PTGER4: variants seen among roughly 807,000 people sequenced by gnomAD.
The protein encoded by PTGER4 is prostaglandin E receptor 4.
PTGER4 carries 11 observed loss-of-function variants against 33.2 expected under a neutral mutation model. That is an observed-to-expected ratio of 0.33 (90% CI 0.21 to 0.55). PTGER4 has a LOEUF of 0.55. PTGER4 is among the 20% of genes least tolerant of loss of function. The pLI is 0.92. For synonymous variants in PTGER4, 275 were observed against 281.5 expected, an observed-to-expected ratio of 0.98 and a Z score of 0.23; for missense variants, 481 against 650.2, an observed-to-expected ratio of 0.74 and a Z score of 2.83.
At chr5:40,699,554 A>T in the PTGER4 span, among the ~76,000 whole-genome samples, 6 of 152,148 alleles carry the variant, frequency 3.9e-5, no homozygotes, top group African/African-American at 1.4e-4. Context: ...CAAGAAAAGG[A>T]AACTATAGGC....
At chr5:40,711,451 T>C in the PTGER4 span, among the ~76,000 whole-genome samples, 24 of 152,088 alleles carry the variant, frequency 1.6e-4, no homozygotes, top group Non-Finnish European at 2.9e-4. Context: ...TCCCAAATGG[T>C]ACAGATAATT....
the PTGER4 span, among the ~76,000 whole-genome samples, chr5:40,734,524 T>C: frequency 0.35 from 52,845 of 152,028 alleles, 10,174 homozygotes; most frequent in Admixed American, 0.46. Context: ...CAGGATGAGA[T>C]AATGCCCTAT....
At position 40,692,597 on chromosome 5, in the gene PTGER4, G is replaced by A. The variant is rs914792016; in HGVS notation, c.*219G>A. 6.9e-6 allele frequency: 9 copies of A among 1,308,084 alleles called. No homozygotes were observed. Among genetic ancestry groups the A allele is most frequent in the Non-Finnish European group, 8.8e-6 (9 of 1,028,456 alleles). 81.0% of individuals were successfully genotyped at this position (1,308,084 alleles called of 1,614,324 possible). ...TCGGATGCTACCCCACTATGACAGA[G>A]GATTGTGGTCACAACTTGATGGCTG... On this transcript the variant is annotated 3_prime_UTR_variant, in exon 3 of 3. Coordinates refer to ENST00000302472, the MANE Select transcript of PTGER4 (RefSeq NM_000958.3).
the PTGER4 span, among the ~76,000 whole-genome samples, chr5:40,717,990 AG>A: frequency 1.6e-4 from 25 of 152,084 alleles, no homozygotes; most frequent in African/African-American, 6.0e-4. Context: ...TGAACTCGGG[AG>A]GCGGAGGTTG....
the PTGER4 span, among the ~76,000 whole-genome samples, chr5:40,722,755 G>A: frequency 2.0e-5 from 3 of 150,918 alleles, no homozygotes; most frequent in Non-Finnish European, 4.4e-5. Context: ...TGCCCGGCCA[G>A]ACGCCCCGTC....
chr5:40,715,203 T>C, the PTGER4 span: 1 of 152,032 alleles, frequency 6.6e-6, no homozygotes, highest in African/African-American at 2.4e-5. Flanking sequence ...TTTCACTGAG[T>C]AGTTTCAAAA....
At chr5:40,726,456 A>G in the PTGER4 span, among the ~76,000 whole-genome samples, 2 of 151,556 alleles carry the variant, frequency 1.3e-5, no homozygotes, top group African/African-American at 2.4e-5. Flanking sequence ...TGACATTTTG[A>G]GTCATCTTTT....
the PTGER4 span, among the ~76,000 whole-genome samples, chr5:40,720,064 T>C: frequency 6.6e-6 from 1 of 152,212 alleles, no homozygotes; most frequent in African/African-American, 2.4e-5. Context: ...TATCTACTTT[T>C]TTCTTTTGTT....
the PTGER4 span, among the ~76,000 whole-genome samples, chr5:40,722,099 G>C: frequency 6.6e-6 from 1 of 152,164 alleles, no homozygotes; most frequent in Non-Finnish European, 1.5e-5. Context: ...CCAGCTACTC[G>C]GGAGGTGAGG....
At chr5:40,739,278 T>G in the PTGER4 span, among the ~76,000 whole-genome samples, 1 of 152,258 alleles carries the variant, frequency 6.6e-6, no homozygotes, top group African/African-American at 2.4e-5. Flanking sequence ...GCTTGTCAAT[T>G]ATCTCAAACG....
intron 2 of PTGER4, chr5:40,685,559 A>G: frequency 1.6e-5 from 10 of 616,248 alleles, no homozygotes; most frequent in Non-Finnish European, 1.8e-5. Flanking sequence ...TGCAATGCCT[A>G]GAAGGAAGTT....
rs1242199270 is a variant in PTGER4 at position 40,692,302 on chromosome 5, G to A, written c.1391G>A (p.Gly464Glu). 2 of 1,613,910 alleles carry A rather than the reference G, an allele frequency of 1.2e-6. No individual in the cohort carries two copies. Among genetic ancestry groups the A allele is most frequent in the African/African-American group, 1.3e-5 (1 of 75,064 alleles). ...VDEAGGSGRA[G>E]PAPKGSSLQV... ...GAGGCTGGTGGGAGCGGCAGGGCTG[G>A]GCCTGCCCCTAAGGGGAGCTCCCTG... The change falls in exon 3 of 3, where the codon GGG becomes GAG. Residue 464 changes from glycine to glutamate, a missense_variant. Transcript: ENST00000302472.
chr5:40,739,423 T>G, the PTGER4 span, among the ~76,000 whole-genome samples: 1 of 152,184 alleles, frequency 6.6e-6, no homozygotes, highest in East Asian at 1.9e-4. Context: ...CACCCAAATC[T>G]CATGTCAAAT....
chr5:40,723,513 A>T, the PTGER4 span, among the ~76,000 whole-genome samples: 9 of 14,640 alleles, frequency 6.1e-4, no homozygotes, highest in African/African-American at 1.4e-3. Flanking sequence ...AACTCAAATT[A>T]AAAAAAAAAA....
chr5:40,697,301 A>AT (rs199923662), downstream of PTGER4, among the ~76,000 whole-genome samples: 323 of 151,522 alleles, frequency 2.1e-3, no homozygotes, highest in African/African-American at 7.5e-3. Flanking sequence ...AAAGAAAAAG[A>AT]AAGGCCAGGC....
At chr5:40,695,862 A>T (rs893033782), downstream of PTGER4, among the ~76,000 whole-genome samples, 1 of 152,218 alleles carries the variant, frequency 6.6e-6, no homozygotes, top group African/African-American at 2.4e-5. Flanking sequence ...TCACTTATAA[A>T]TGAGAGCTAT....
the PTGER4 span, among the ~76,000 whole-genome samples, chr5:40,711,923 G>A: frequency 2.6e-4 from 40 of 152,240 alleles, no homozygotes; most frequent in Admixed American, 9.2e-4. Flanking sequence ...AGGTGGAGGG[G>A]AACCAACTGC....
the PTGER4 span, among the ~76,000 whole-genome samples, chr5:40,736,549 T>C: frequency 6.6e-6 from 1 of 152,198 alleles, no homozygotes; most frequent in Non-Finnish European, 1.5e-5. Context: ...TGAGAAGGTA[T>C]AACCTAGTTT....
At chr5:40,697,212 GAAAA>G (rs1210305324), downstream of PTGER4, among the ~76,000 whole-genome samples, 3 of 109,134 alleles carry the variant, frequency 2.7e-5, no homozygotes, top group South Asian at 3.1e-4. Context: ...AAGAAAGAAA[GAAAA>G]AGAAAGAAGA....
Sources: gnomAD v4.1 joint callset for allele counts (sites outside exome capture counted in the v4.1 genomes callset) on GRCh38, gnomAD v4.1.1 for gene constraint, MANE v1.5 for transcripts, NCBI Gene and HGNC (gene_info 2026-07-23, HGNC 2026-07-21) for gene names.